The following RAD51B variants were observed in gnomAD, a reference collection of about 807,000 sequenced individuals.
RAD51B encodes DNA repair protein RAD51 homolog 2.
In RAD51B, 38 loss-of-function variants were observed where a neutral mutation model predicts 42.2. That is an observed-to-expected ratio of 0.90 (90% confidence interval 0.70 to 1.18). RAD51B has a LOEUF of 1.18. RAD51B is among the 50% of genes most tolerant of loss of function. The pLI, the probability that RAD51B is intolerant of heterozygous loss-of-function variation, is 0.00. For missense variants in RAD51B, 373 were observed against 400.7 expected, an observed-to-expected ratio of 0.93 and a Z score of 0.59; for synonymous variants, 154 against 145.2, an observed-to-expected ratio of 1.06 and a Z score of -0.43.
intron 10 of RAD51B, among the ~76,000 whole-genome samples, chr14:68,561,525 T>C (rs1436143212): frequency 6.6e-6 from 1 of 152,040 alleles, no homozygotes; most frequent in Non-Finnish European, 1.5e-5. Flanking sequence ...AGAATAGCAG[T>C]GTGAGGATTC....
intron 7 of RAD51B, among the ~76,000 whole-genome samples, chr14:67,935,229 A>T (rs2044893503): frequency 6.6e-6 from 1 of 152,012 alleles, no homozygotes; most frequent in Admixed American, 6.6e-5. Context: ...ATCCTTTAAG[A>T]TTTTTTTTAC....
intron 7 of RAD51B, among the ~76,000 whole-genome samples, chr14:68,037,928 A>G (rs1405440706): frequency 6.6e-6 from 1 of 152,240 alleles, no homozygotes; most frequent in East Asian, 1.9e-4. Context: ...TTATTCACAC[A>G]AACTATTCTC....
At chr14:68,466,938 T>TTC (rs1441649624) in intron 9 of RAD51B, among the ~76,000 whole-genome samples, 1 of 152,214 alleles carries the variant, frequency 6.6e-6, no homozygotes, top group African/African-American at 2.4e-5. Context: ...TTCCCACCAC[T>TTC]TCTCATAGTT....
intron 10 of RAD51B, among the ~76,000 whole-genome samples, chr14:68,487,768 C>G (rs892064871): frequency 1.3e-5 from 2 of 152,124 alleles, no homozygotes; most frequent in African/African-American, 4.8e-5. Context: ...CTGGGCCTCT[C>G]AAAGTGTTGG....
intron 9 of RAD51B, among the ~76,000 whole-genome samples, chr14:68,428,859 A>G (rs565092698): frequency 1.4e-3 from 210 of 149,374 alleles, no homozygotes; most frequent in Admixed American, 1.7e-3. Context: ...GCACCCATTA[A>G]CTCGTCATTT....
chr14:67,842,244 C>A (rs1039551153), intron 4 of RAD51B, among the ~76,000 whole-genome samples: 2 of 152,108 alleles, frequency 1.3e-5, no homozygotes, highest in African/African-American at 2.4e-5. Flanking sequence ...GATTTTGTAG[C>A]CTTCAACTTT....
At chr14:68,349,425 G>T (rs2082738074) in intron 8 of RAD51B, among the ~76,000 whole-genome samples, 1 of 152,036 alleles carries the variant, frequency 6.6e-6, no homozygotes, top group Non-Finnish European at 1.5e-5. Context: ...GGAGTGCAGT[G>T]GCACCATCTT....
intron 7 of RAD51B, among the ~76,000 whole-genome samples, chr14:67,905,991 C>T (rs2140102410): frequency 6.6e-6 from 1 of 152,174 alleles, no homozygotes; most frequent in Admixed American, 6.5e-5. Context: ...AAGGGGAATG[C>T]TTCAAGCTTT....
intron 10 of RAD51B, among the ~76,000 whole-genome samples, chr14:68,632,917 A>G (rs540993228): frequency 1.3e-5 from 2 of 148,494 alleles, no homozygotes; most frequent in South Asian, 4.2e-4. Flanking sequence ...CTGGTACTGT[A>G]AGCACACACC....
chr14:67,986,090 A>G (rs1169197111), intron 7 of RAD51B, among the ~76,000 whole-genome samples: 3 of 152,276 alleles, frequency 2.0e-5, no homozygotes, highest in Non-Finnish European at 2.9e-5. Flanking sequence ...CGTACGTGCT[A>G]TGGTGCTGTG....
intron 11 of RAD51B, among the ~76,000 whole-genome samples, chr14:68,664,717 GC>G (rs1892998475): frequency 2.0e-5 from 3 of 152,140 alleles, no homozygotes; most frequent in African/African-American, 7.2e-5. Context: ...CTTATTTGCT[GC>G]TCCAACCCCA....
intron 7 of RAD51B, among the ~76,000 whole-genome samples, chr14:68,129,644 A>G (rs1406425745): frequency 2.0e-5 from 3 of 152,254 alleles, no homozygotes; most frequent in African/African-American, 4.8e-5. Flanking sequence ...GATATTAGTC[A>G]GAAAAGATGT....
intron 7 of RAD51B, among the ~76,000 whole-genome samples, chr14:68,053,535 A>G (rs2076427338): frequency 1.3e-5 from 2 of 152,146 alleles, no homozygotes; most frequent in African/African-American, 4.8e-5. Flanking sequence ...CTGGGTGAAT[A>G]ACTGAATTAA....
At chr14:68,260,932 C>T (rs2080875164) in intron 7 of RAD51B, among the ~76,000 whole-genome samples, 2 of 152,218 alleles carry the variant, frequency 1.3e-5, no homozygotes. Flanking sequence ...ACATTAAGTA[C>T]ATTCACAACA....
chr14:68,114,401 C>T (rs535134440), intron 7 of RAD51B, among the ~76,000 whole-genome samples: 128 of 152,124 alleles, frequency 8.4e-4, no homozygotes, highest in Non-Finnish European at 1.5e-3. Context: ...TGATATTTTA[C>T]CATTGAATGG....
At chr14:68,306,742 A>T in intron 8 of RAD51B, 5 of 421,322 alleles carry the variant, frequency 1.2e-5, no homozygotes, top group South Asian at 9.2e-5. Flanking sequence ...CTTTCAGAAG[A>T]TGAACTTGCA....
intron 9 of RAD51B, among the ~76,000 whole-genome samples, chr14:68,435,149 A>G (rs1284259328): frequency 1.3e-5 from 2 of 152,124 alleles, no homozygotes; most frequent in Non-Finnish European, 2.9e-5. Flanking sequence ...ATAGTACCCC[A>G]TAGGTGTTGT....
chr14:68,592,775 CA>C lies in RAD51B; in HGVS notation c.1037-1709del, dbSNP rs779972181. Among the ~76,000 whole-genome samples, 29 of 152,366 alleles carry C rather than the reference CA, an allele frequency of 1.9e-4. No individual in the cohort carries two copies. In the Middle Eastern group the frequency reaches 0.01, roughly 54 times the overall value. The stretch of plus-strand genomic sequence containing the variant: ...TTGTATAGATGAGGAAACTGAGGCA[CA>C]GAGCATTTTGGCATTGATTCCCTTC... On this transcript the variant is annotated intron_variant, in intron 10 of 10. Transcript: ENST00000487270.
intron 8 of RAD51B, among the ~76,000 whole-genome samples, chr14:68,293,986 A>G (rs962294226): frequency 2.0e-5 from 3 of 152,212 alleles, no homozygotes; most frequent in African/African-American, 7.2e-5. Context: ...ACCTATGAAC[A>G]TTGTTAAAAA....
Sources: gnomAD v4.1 joint callset for allele counts (sites outside exome capture counted in the v4.1 genomes callset) on GRCh38, gnomAD v4.1.1 for gene constraint, MANE v1.5 for transcripts, NCBI Gene and HGNC (gene_info 2026-07-23, HGNC 2026-07-21) for gene names.